BICC1: variants seen among roughly 807,000 people sequenced by gnomAD.
The protein encoded by BICC1 is protein bicaudal C homolog 1.
In BICC1, 43 loss-of-function variants were observed where a neutral mutation model predicts 111.0. The observed-to-expected ratio is 0.39, with a 90% CI of 0.30 to 0.50. BICC1 has a LOEUF of 0.50. Among genes scored for constraint, BICC1 ranks in the 20% least tolerant of loss-of-function variants. The pLI is 0.88. For missense variants in BICC1, 1,091 were observed against 1,203.2 expected (o/e 0.91, Z 1.38); for synonymous variants, 467 against 434.4 (o/e 1.07, Z -0.93).
chr10:58,796,413 A>C lies in BICC1; in HGVS notation c.1253A>C (p.Glu418Ala), dbSNP rs1843354575. The change falls in exon 10 of 21, where the codon GAA (glutamate) becomes GCA (alanine). Residue 418 changes from glutamate (E) to alanine (A), a missense_variant. Around this residue, in one of 3 missense-constraint regions of BICC1, gnomAD observed 843 missense variants for 900.8 expected, o/e 0.94. Transcript: ENST00000373886. ...GCAAGGAAATGTCTCCTCGGACTTG[A>C]AAGCAGTGGGGTTACCATAGCAACC... Reference protein sequence around the residue: ...YEARKCLLGLESSGVTIATSP... With the variant: ...YEARKCLLGLASSGVTIATSP... The C allele has an allele frequency of 6.2e-7, 1 of 1,614,002 alleles. No individual in the cohort carries two copies. Among genetic ancestry groups the C allele is most frequent in the Admixed American group, 1.7e-5 (1 of 59,988 alleles).
intron 1 of BICC1, among the ~76,000 whole-genome samples, chr10:58,554,746 T>C (rs1197009893): frequency 6.6e-6 from 1 of 151,934 alleles, no homozygotes; most frequent in Admixed American, 6.6e-5. Context: ...GTGATATCAA[T>C]GTTGGTTTAA....
intron 3 of BICC1, among the ~76,000 whole-genome samples, chr10:58,775,662 G>A (rs998451263): frequency 5.3e-5 from 8 of 152,180 alleles, no homozygotes; most frequent in Non-Finnish European, 8.8e-5. Context: ...CAGTTGGGGT[G>A]AGGAATAATG....
chr10:58,546,177 A>G (rs1243241001), intron 1 of BICC1, among the ~76,000 whole-genome samples: 2 of 152,092 alleles, frequency 1.3e-5, no homozygotes, highest in Non-Finnish European at 1.5e-5. Context: ...TCTGTCTCCA[A>G]TGTTGTTGTT....
intron 1 of BICC1, among the ~76,000 whole-genome samples, chr10:58,523,126 C>T (rs964741026): frequency 3.3e-5 from 5 of 152,126 alleles, no homozygotes; most frequent in Non-Finnish European, 5.9e-5. Context: ...ACCAGAGGTA[C>T]AAGGAGGAGC....
intron 2 of BICC1, among the ~76,000 whole-genome samples, chr10:58,691,950 C>A (rs1839921693): frequency 6.6e-6 from 1 of 152,168 alleles, no homozygotes; most frequent in Non-Finnish European, 1.5e-5. Context: ...AATTGGAAAG[C>A]CTTACATAAT....
chr10:58,562,819 T>C (rs1159697492), intron 1 of BICC1, among the ~76,000 whole-genome samples: 2 of 152,130 alleles, frequency 1.3e-5, no homozygotes, highest in Non-Finnish European at 2.9e-5. Flanking sequence ...TAGTTCTGGA[T>C]TGGAACAGTA....
Position 58,789,866 on chromosome 10 carries a change from A to G in BICC1, c.980A>G (p.Gln327Arg), listed in dbSNP as rs758864315. 1 of 1,614,168 alleles carries G rather than the reference A, an allele frequency of 6.2e-7. No homozygotes were observed. The highest frequency in any genetic ancestry group is 8.5e-7 in the Non-Finnish European group (1 of 1,180,018). ...CACTTTCCTGATCCCAGTAATCCAC[A>G]AAAGAAATCTACCGTCTACCTCCAG... The part of the protein sequence containing the change: ...QIHFPDPSNP[Q>R]KKSTVYLQGT... The change falls in exon 8 of 21, where the codon CAA becomes CGA. Residue 327 changes from glutamine to arginine, a missense_variant. Physicochemically the swap from Gln to Arg is conservative, Grantham distance 43. This residue lies in a region of BICC1 where 843 missense variants were observed against 900.8 expected (regional missense o/e 0.94). Coordinates refer to ENST00000373886, the MANE Select transcript of BICC1 (RefSeq NM_001080512.3).
At chr10:58,538,460 T>A (rs938995220) in intron 1 of BICC1, among the ~76,000 whole-genome samples, 1 of 151,864 alleles carries the variant, frequency 6.6e-6, no homozygotes, top group Admixed American at 6.6e-5. Flanking sequence ...TGTCACCATA[T>A]ACAAAAATTA....
rs1366302453 is a variant in BICC1 at position 58,634,284 on chromosome 10, G to T, written c.237+13383G>T. On this transcript the variant is annotated intron_variant, in intron 2 of 20. Transcript: ENST00000373886. ...TGGGATTACAGGTGTGAGCCACCACGCCTGGCCTAGGGGCAGATTTTCAGT... is the reference window on the plus strand; with the variant it reads ...TGGGATTACAGGTGTGAGCCACCACTCCTGGCCTAGGGGCAGATTTTCAGT... Among the ~76,000 whole-genome samples, 3 of 152,188 alleles carry T rather than the reference G, an allele frequency of 2.0e-5. No homozygotes were observed. In the East Asian group the frequency reaches 5.8e-4, roughly 29 times the overall value.
At chr10:58,522,810 G>C (rs28855176) in intron 1 of BICC1, among the ~76,000 whole-genome samples, 81,619 of 151,390 alleles carry the variant, frequency 0.54, 23,059 homozygotes, top group African/African-American at 0.71. Flanking sequence ...CCGTTAGCAA[G>C]ACTAATAAAG....
At chr10:58,827,351 GA>G (rs1258184712) in intron 20 of BICC1, among the ~76,000 whole-genome samples, 4 of 152,146 alleles carry the variant, frequency 2.6e-5, no homozygotes, top group Admixed American at 1.3e-4. Context: ...ATTCCTGCTG[GA>G]AAAAAACTGT....
Position 58,585,810 on chromosome 10 carries a change from G to T in BICC1, c.191-35045G>T, listed in dbSNP as rs565091183. 1.3e-5 allele frequency among the ~76,000 whole-genome samples: 2 copies of T among 152,276 alleles called. 1 individual carries two copies. Among genetic ancestry groups the T allele is most frequent in the South Asian group, 4.1e-4 (2 of 4,820 alleles). ...TTGTAACAACTTCATATATTGTAGT[G>T]TAGGTATTATTCTCCCAATGTGTGA... On this transcript the variant is annotated intron_variant, in intron 1 of 20. Transcript: ENST00000373886.
At chr10:58,683,051 ATT>A (rs1839589663) in intron 2 of BICC1, among the ~76,000 whole-genome samples, 1 of 152,152 alleles carries the variant, frequency 6.6e-6, no homozygotes, top group Non-Finnish European at 1.5e-5. Flanking sequence ...TCTTGAATTA[ATT>A]TTTGTGTAAG....
chr10:58,597,624 G>T (rs566519670), intron 1 of BICC1, among the ~76,000 whole-genome samples: 1 of 152,118 alleles, frequency 6.6e-6, no homozygotes, highest in East Asian at 1.9e-4. Flanking sequence ...AGACCAGGGG[G>T]TATCTCAGTC....
At chr10:58,601,477 A>G (rs1473588753) in intron 1 of BICC1, among the ~76,000 whole-genome samples, 1 of 151,720 alleles carries the variant, frequency 6.6e-6, no homozygotes, top group South Asian at 2.1e-4. Flanking sequence ...CTTAATTCCC[A>G]TATTGGTTTT....
intron 1 of BICC1, among the ~76,000 whole-genome samples, chr10:58,610,596 T>C (rs1190756841): frequency 6.6e-6 from 1 of 151,174 alleles, no homozygotes; most frequent in Non-Finnish European, 1.5e-5. Context: ...CAAATTGCCA[T>C]GGATAATCTA....
chr10:58,512,687 T>A (rs1378851220), upstream of BICC1, among the ~76,000 whole-genome samples: 1 of 152,010 alleles, frequency 6.6e-6, no homozygotes, highest in Non-Finnish European at 1.5e-5. Context: ...TACGTGTAAG[T>A]GCAGAAAGTG....
At chr10:58,625,739 G>A (rs1330569496) in intron 2 of BICC1, among the ~76,000 whole-genome samples, 1 of 152,002 alleles carries the variant, frequency 6.6e-6, no homozygotes, top group African/African-American at 2.4e-5. Flanking sequence ...TTGTCTTCTG[G>A]GGGAAATTCC....
intron 1 of BICC1, among the ~76,000 whole-genome samples, chr10:58,544,089 T>G (rs2131892647): frequency 6.6e-6 from 1 of 152,220 alleles, no homozygotes; most frequent in East Asian, 1.9e-4. Context: ...ACCTGAACCA[T>G]GAGTATTTCC....
Sources: gnomAD v4.1 joint callset for allele counts (sites outside exome capture counted in the v4.1 genomes callset) on GRCh38, gnomAD v4.1.1 for gene constraint, gnomAD v4.1.1 regional missense constraint, MANE v1.5 for transcripts, NCBI Gene and HGNC (gene_info 2026-07-23, HGNC 2026-07-21) for gene names.